The following IL15 variants were observed in gnomAD, a reference collection of about 807,000 sequenced individuals.
IL15 encodes interleukin 15.
Under a neutral mutation model 19.6 loss-of-function variants are expected in IL15, and 11 were observed. The observed-to-expected ratio is 0.56, with a 90% CI of 0.35 to 0.93. The LOEUF is 0.93. IL15 is among the 40% of genes least tolerant of loss of function. IL15 has a pLI of 0.01. For missense variants in IL15, 197 were observed against 186.5 expected, an observed-to-expected ratio of 1.06 and a Z score of -0.33; for synonymous variants, 58 against 59.6, an observed-to-expected ratio of 0.97 and a Z score of 0.12.
At chr4:141,714,702 G>C (rs1367544306) in intron 2 of IL15, 1 of 152,126 alleles carries the variant, frequency 6.6e-6, no homozygotes, top group East Asian at 1.9e-4. Context: ...TACTTCCCTT[G>C]ACTGACTTCT....
chr4:141,656,887 TGA>T (rs1181552495), intron 2 of IL15, among the ~76,000 whole-genome samples: 2 of 152,188 alleles, frequency 1.3e-5, no homozygotes, highest in Non-Finnish European at 2.9e-5. Flanking sequence ...TTTAAATGAC[TGA>T]GTCTTTTAAG....
At chr4:141,686,532 G>A (rs187434956) in intron 2 of IL15, among the ~76,000 whole-genome samples, 132 of 152,028 alleles carry the variant, frequency 8.7e-4, no homozygotes, top group Non-Finnish European at 1.4e-3. Context: ...CCTTAAATTC[G>A]TCATTCTCAG....
At chr4:141,641,847 A>G (rs1727055977) in intron 1 of IL15, among the ~76,000 whole-genome samples, 1 of 152,044 alleles carries the variant, frequency 6.6e-6, no homozygotes, top group African/African-American at 2.4e-5. Context: ...TAATTTAAAA[A>G]AAAAAAAGCC....
At chr4:141,638,568 G>T (rs988099910) in intron 1 of IL15, among the ~76,000 whole-genome samples, 2 of 152,224 alleles carry the variant, frequency 1.3e-5, no homozygotes, top group African/African-American at 4.8e-5. Context: ...TGATTAAAAT[G>T]ATGCTCTTTT....
intron 2 of IL15, among the ~76,000 whole-genome samples, chr4:141,677,632 G>C (rs2152170766): frequency 6.6e-6 from 1 of 152,294 alleles, no homozygotes; most frequent in Admixed American, 6.5e-5. Flanking sequence ...ACTCCTGGAA[G>C]CTACCTGTGC....
intron 2 of IL15, among the ~76,000 whole-genome samples, chr4:141,693,444 A>G (rs1286220393): frequency 6.6e-6 from 1 of 152,220 alleles, no homozygotes; most frequent in Admixed American, 6.5e-5. Context: ...TTGTAACCAT[A>G]GTGCCTGACA....
chr4:141,662,515 T>C (rs999011706), intron 2 of IL15, among the ~76,000 whole-genome samples: 2 of 152,268 alleles, frequency 1.3e-5, no homozygotes, highest in Admixed American at 6.5e-5. Context: ...TTGCATGATA[T>C]ATATTTTCTC....
At chr4:141,709,942 C>T (rs993063309) in intron 2 of IL15, among the ~76,000 whole-genome samples, 3 of 151,320 alleles carry the variant, frequency 2.0e-5, no homozygotes, top group Non-Finnish European at 4.4e-5. Flanking sequence ...CCCACACTAA[C>T]TCAGTGTCCA....
At chr4:141,660,486 A>G (rs1727748882) in intron 2 of IL15, among the ~76,000 whole-genome samples, 1 of 152,204 alleles carries the variant, frequency 6.6e-6, no homozygotes, top group Admixed American at 6.5e-5. Flanking sequence ...TCATTATAGA[A>G]GAGTGAAAAC....
At chr4:141,677,825 G>GAAA (rs1728397048) in intron 2 of IL15, among the ~76,000 whole-genome samples, 1 of 152,128 alleles carries the variant, frequency 6.6e-6, no homozygotes, top group African/African-American at 2.4e-5. Flanking sequence ...GGTTAACTAT[G>GAAA]CCATGTAACA....
chr4:141,656,565 T>C (rs1207218959), intron 2 of IL15, among the ~76,000 whole-genome samples: 1 of 152,202 alleles, frequency 6.6e-6, no homozygotes, highest in African/African-American at 2.4e-5. Context: ...AGTCAAATGC[T>C]CACTGTCACA....
intron 2 of IL15, among the ~76,000 whole-genome samples, chr4:141,684,041 T>C (rs1728629414): frequency 6.6e-6 from 1 of 151,986 alleles, no homozygotes; most frequent in Non-Finnish European, 1.5e-5. Context: ...TAACAGAGAG[T>C]GCTACAATGC....
At chr4:141,639,565 T>C (rs2152148583) in intron 1 of IL15, among the ~76,000 whole-genome samples, 1 of 152,330 alleles carries the variant, frequency 6.6e-6, no homozygotes, top group Non-Finnish European at 1.5e-5. Flanking sequence ...CCTATCTATG[T>C]ATCCCTTCTT....
At chr4:141,681,057 C>T (rs1334411913) in intron 2 of IL15, among the ~76,000 whole-genome samples, 6 of 152,088 alleles carry the variant, frequency 3.9e-5, no homozygotes, top group Non-Finnish European at 7.4e-5. Flanking sequence ...TATATTCAGC[C>T]CAGCCAATAT....
At chr4:141,668,315 C>T (rs1459472747) in intron 2 of IL15, among the ~76,000 whole-genome samples, 2 of 151,620 alleles carry the variant, frequency 1.3e-5, no homozygotes, top group African/African-American at 2.4e-5. Context: ...GTGGTGGGTT[C>T]AGCTTCCTTT....
chr4:141,732,611 A>T, intron 7 of IL15, 127 bp from the exon 8 acceptor site: 1 of 1,242,524 alleles, frequency 8.0e-7, no homozygotes, highest in Non-Finnish European at 1.1e-6. Context: ...TATGCTATTT[A>T]TTTGCTAAAG....
chr4:141,684,695 A>G (rs1003337264), intron 2 of IL15, among the ~76,000 whole-genome samples: 1 of 152,188 alleles, frequency 6.6e-6, no homozygotes, highest in Non-Finnish European at 1.5e-5. Context: ...CACTCTTCAA[A>G]ACTAACCTCA....
chr4:141,732,669 C>T lies in IL15; in HGVS notation c.379-69C>T, dbSNP rs766730467. ...CATATGGTTCAAACGATATGATATTCCCATTCCCATGAATGTATATTTAAT... is the reference window on the plus strand; with the variant it reads ...CATATGGTTCAAACGATATGATATTTCCATTCCCATGAATGTATATTTAAT... On this transcript the variant is annotated intron_variant, in intron 7 of 7. Coordinates refer to ENST00000320650, the MANE Select transcript of IL15 (RefSeq NM_000585.5). The T allele has an allele frequency of 1.0e-4, 163 of 1,572,434 alleles. No individual in the cohort carries two copies. In the Middle Eastern group the frequency reaches 3.6e-3, roughly 35 times the overall value.
chr4:141,645,189 G>A (rs956446052), intron 1 of IL15, among the ~76,000 whole-genome samples: 1 of 152,128 alleles, frequency 6.6e-6, no homozygotes, highest in East Asian at 1.9e-4. Flanking sequence ...TTAGATAAAA[G>A]ACATAACCAG....
Sources: allele counts gnomAD v4.1 joint callset (sites outside exome capture counted in the v4.1 genomes callset), GRCh38; gene constraint gnomAD v4.1.1; transcripts MANE v1.5; gene names NCBI Gene and HGNC (gene_info 2026-07-23, HGNC 2026-07-21).